Variants in ADAD2 observed in about 807,000 individuals in gnomAD.
ADAD2 encodes the protein adenosine deaminase domain containing 2, also known as adenosine deaminase domain-containing protein 2.
A neutral mutation model predicts 54.5 loss-of-function variants in ADAD2; 60 were observed. That is an observed-to-expected ratio of 1.10 (90% CI 0.89 to 1.36). The LOEUF (loss-of-function observed/expected upper bound fraction) is 1.36. ADAD2 is among the 40% of genes most tolerant of loss of function. ADAD2 has a pLI of 0.00. For missense variants in ADAD2, 1,103 were observed against 801.3 expected (o/e 1.38, Z -4.54); for synonymous variants, 543 against 366.2 (o/e 1.48, Z -5.51).
At chr16:84,193,464 T>C (rs1475950252) in intron 1 of ADAD2, 2 of 153,146 alleles carry the variant, frequency 1.3e-5, no homozygotes, top group African/African-American at 4.8e-5. Context: ...TGATGTGTTA[T>C]TGAAGTGATG....
chr16:84,196,427 T>C (rs1334034082), intron 8 of ADAD2, 57 bp downstream of exon 8: 3 of 1,570,324 alleles, frequency 1.9e-6, no homozygotes, highest in East Asian at 2.2e-5. Context: ...GGAGGGCTCA[T>C]GCATGAGCTT....
intron 1 of ADAD2, chr16:84,193,531 C>A (rs570492725): frequency 6.4e-6 from 1 of 155,548 alleles, no homozygotes; most frequent in African/African-American, 2.4e-5. Context: ...TGTCCCCTGG[C>A]GATGCGAGCT....
Position 84,191,722 on chromosome 16 carries a change from AGGGGGTCT to A in ADAD2, c.418+79_418+86del, listed in dbSNP as rs138132588. On this transcript the variant is annotated intron_variant, in intron 1 of 9. Transcript: ENST00000315906. Reference sequence around the variant, plus strand: ...GGCTGGGTCCCAGGACGTGGGGAGCAGGGGGTCTGGGGAAGGTGGACCTTGGTCCCTAT... The same window carrying A: ...GGCTGGGTCCCAGGACGTGGGGAGCAGGGGAAGGTGGACCTTGGTCCCTAT... 2,419 of 1,531,418 alleles carry A rather than the reference AGGGGGTCT, an allele frequency of 1.6e-3. 32 individuals carry two copies. In the African/African-American group the frequency reaches 0.03, roughly 19 times the overall value. The allele number at this position is 1,531,418 out of a possible 1,614,324, so 94.9% of individuals were successfully genotyped here.
intron 1 of ADAD2, chr16:84,193,971 T>C (rs200616300): frequency 2.6e-6 from 4 of 1,527,846 alleles, no homozygotes; most frequent in Non-Finnish European, 3.5e-6. Flanking sequence ...CTCTTTTGTG[T>C]TATAAGTAAC....
At chr16:84,191,728 T>A (rs1304104983) in intron 1 of ADAD2, 80 bp downstream of exon 1, 3 of 1,524,598 alleles carry the variant, frequency 2.0e-6, no homozygotes, top group Admixed American at 3.9e-5. Flanking sequence ...GAGCAGGGGG[T>A]CTGGGGAAGG....
In ADAD2 at chr16:84,191,502, T is replaced by C. The variant is rs1323731807; in HGVS notation, c.272T>C (p.Met91Thr). The part of the protein sequence containing the change: ...ARAWENLGEQ[M>T]GKAPRVPVPP... ...GCGTGGGAAAACTTGGGGGAACAGA[T>C]GGGGAAGGCCCCGAGGGTCCCTGTG... Residue 91 changes from methionine to threonine, a missense_variant, in exon 1 of 10, where the codon ATG (methionine) becomes ACG (threonine). Physicochemically the swap from Met to Thr is moderately conservative, Grantham distance 81. Transcript: ENST00000315906. 1 of 1,542,508 alleles carries C rather than the reference T, an allele frequency of 6.5e-7. No individual in the cohort carries two copies. Among genetic ancestry groups the C allele is most frequent in the African/African-American group, 1.4e-5 (1 of 72,996 alleles).
chr16:84,192,459 A>T (rs1008210948), intron 1 of ADAD2: 2 of 152,288 alleles, frequency 1.3e-5, no homozygotes, highest in African/African-American at 4.8e-5. Flanking sequence ...CAGAGTTTTA[A>T]TTTAAAAGTT....
In ADAD2 at chr16:84,194,472, A is replaced by G. The variant is rs1376383392; in HGVS notation, c.449A>G (p.Glu150Gly). 1 of 1,605,882 alleles carries G rather than the reference A, an allele frequency of 6.2e-7. No individual in the cohort carries two copies. Among genetic ancestry groups the G allele is most frequent in the South Asian group, 1.1e-5 (1 of 90,342 alleles). The change falls in exon 2 of 10, where the codon GAA becomes GGA. Residue 150 changes from glutamate to glycine, a missense_variant. Physicochemically the swap from Glu to Gly is moderately conservative, Grantham distance 98. Coordinates refer to ENST00000315906, the MANE Select transcript of ADAD2 (RefSeq NM_001145400.2). The stretch of plus-strand genomic sequence containing the variant: ...TGCTTCCCCTTCTCGGTGAGCGCGG[A>G]ACTGGATGGGGTGGTCTGCCCTGCG... ...GPCFPFSVSAELDGVVCPAGT... is the reference protein window; with the variant it reads ...GPCFPFSVSAGLDGVVCPAGT...
At position 84,191,181 on chromosome 16, in the gene ADAD2, C is replaced by T. The variant is rs750684491; in HGVS notation, c.-50C>T. The T allele has an allele frequency of 1.9e-6, 3 of 1,573,520 alleles. No homozygotes were observed. Among genetic ancestry groups the T allele is most frequent in the Middle Eastern group, 1.9e-4 (1 of 5,254 alleles). On this transcript the variant is annotated 5_prime_UTR_variant, in exon 1 of 10. Transcript: ENST00000315906. ...CACCCGCCCTGCGCGTGTGAAAGGG[C>T]GAGAGCAGCGCGAGATAGGGCCTAG... is the stretch of plus-strand genomic sequence containing the variant.
chr16:84,191,296 G>A lies in ADAD2; in HGVS notation c.66G>A (p.Ser22=), dbSNP rs1567610358. ...GSRRKPRLAA[S]LQISPQPRPW... is the part of the protein sequence containing the mutation. The stretch of plus-strand genomic sequence containing the variant: ...GTAGGAAGCCCCGCCTGGCTGCATC[G>A]TTGCAGATCAGCCCCCAGCCCCGCC... The change falls in exon 1 of 10, where the codon TCG becomes TCA. Residue 22 remains serine, a synonymous_variant. Coordinates refer to ENST00000315906, the MANE Select transcript of ADAD2 (RefSeq NM_001145400.2). 5.0e-6 allele frequency: 8 copies of A among 1,601,106 alleles called. No homozygotes were observed. Among genetic ancestry groups the A allele is most frequent in the African/African-American group, 2.7e-5 (2 of 74,624 alleles).
intron 1 of ADAD2, chr16:84,191,865 G>A (rs2089660676): frequency 1.4e-6 from 1 of 706,938 alleles, no homozygotes; most frequent in Non-Finnish European, 2.5e-6. Flanking sequence ...ATGCTCAACT[G>A]TGAAAGAGTC....
Position 84,197,013 on chromosome 16 carries a change from G to C in ADAD2, c.*39G>C. 6.5e-7 allele frequency: 1 copy of C among 1,549,664 alleles called. No homozygotes were observed. Among genetic ancestry groups the C allele is most frequent in the Non-Finnish European group, 8.7e-7 (1 of 1,144,624 alleles). ...GGGACCGAGGTCCCGGAGCCAAGCTGTACCCCTGCTGGGGGAGTGCCCTAT... is the reference window on the plus strand; with the variant it reads ...GGGACCGAGGTCCCGGAGCCAAGCTCTACCCCTGCTGGGGGAGTGCCCTAT... On this transcript the variant is annotated 3_prime_UTR_variant, in exon 10 of 10. Transcript: ENST00000315906.
intron 1 of ADAD2, chr16:84,194,091 C>A (rs1206172373): frequency 1.9e-6 from 3 of 1,614,076 alleles, no homozygotes; most frequent in Non-Finnish European, 2.5e-6. Context: ...GAGCCTTCCT[C>A]CTGAGAACAG....
chr16:84,193,232 T>G (rs1046498733), intron 1 of ADAD2: 8 of 152,252 alleles, frequency 5.3e-5, no homozygotes, highest in African/African-American at 1.9e-4. Context: ...TAATTTCTAT[T>G]CACATTCAAA....
Position 84,195,203 on chromosome 16 carries a change from C to T in ADAD2, c.733+9C>T, listed in dbSNP as rs1034353005. The T allele has an allele frequency of 1.7e-5, 27 of 1,611,058 alleles. No homozygotes were observed. Among genetic ancestry groups the T allele is most frequent in the East Asian group, 2.2e-5 (1 of 44,812 alleles). On this transcript the variant is annotated intron_variant, in intron 4 of 9. Coordinates refer to ENST00000315906, the MANE Select transcript of ADAD2 (RefSeq NM_001145400.2). ...AGTCATCCTGGAGAGGGGTAGGGAT[C>T]GCCCCAGCCCTGGCCCTGGCCCCGG...
In ADAD2 at chr16:84,195,054, C is replaced by G. The variant is rs377393194; in HGVS notation, c.608-15C>G. 1.3e-4 allele frequency: 213 copies of G among 1,612,884 alleles called. 1 individual carries two copies. In the South Asian group the frequency reaches 1.4e-3, roughly 10 times the overall value. On this transcript the variant is annotated splice_polypyrimidine_tract_variant and intron_variant, in intron 3 of 9. Coordinates refer to ENST00000315906, the MANE Select transcript of ADAD2 (RefSeq NM_001145400.2). ...GTGGGCCCCCTTCTACCTGCAGTCT[C>G]TCGCCCTGGCGCAGAGAACATCCTG...
At position 84,196,718 on chromosome 16, in the gene ADAD2, C is replaced by A. The variant is rs1208409972; in HGVS notation, c.1598C>A (p.Ala533Asp). 6.2e-7 allele frequency: 1 copy of A among 1,613,190 alleles called. No homozygotes were observed. The highest frequency in any genetic ancestry group is 8.5e-7 in the Non-Finnish European group (1 of 1,179,974). Residue 533 changes from alanine to aspartate, a missense_variant, in exon 9 of 10, where the codon GCT becomes GAT. Transcript: ENST00000315906. Reference protein sequence around the residue: ...FLRAFHQAARAVGKPYLLALK... With the variant: ...FLRAFHQAARDVGKPYLLALK... ...CGGGCCTTTCACCAGGCGGCCAGGG[C>A]TGTGGGGAAGCCCTACCTCCTGGCC... is the stretch of plus-strand genomic sequence containing the variant.
At position 84,195,681 on chromosome 16, in the gene ADAD2, G is replaced by T. The variant is rs547168217; in HGVS notation, c.1036G>T (p.Ala346Ser). The T allele has an allele frequency of 6.4e-7, 1 of 1,562,812 alleles. No individual in the cohort carries two copies. Among genetic ancestry groups the T allele is most frequent in the African/African-American group, 1.4e-5 (1 of 72,738 alleles). The change falls in exon 6 of 10, where the codon GCG (alanine) becomes TCG (serine). Residue 346 changes from alanine to serine, a missense_variant. By Grantham distance (99) the Ala-to-Ser change is moderately conservative. Coordinates refer to ENST00000315906, the MANE Select transcript of ADAD2 (RefSeq NM_001145400.2). ...CTACATCAGCAACACCCCCAAGGGC[G>T]CGGCCCGTGACATCTAGTATGCAGG... The part of the protein sequence containing the change: ...HLYISNTPKG[A>S]ARDIYLPPTS...
In ADAD2 at chr16:84,195,098, G is replaced by T; in HGVS notation, c.637G>T (p.Ala213Ser). 6.2e-7 allele frequency: 1 copy of T among 1,613,724 alleles called. No individual in the cohort carries two copies. The highest frequency in any genetic ancestry group is 8.5e-7 in the Non-Finnish European group (1 of 1,179,988). The part of the protein sequence containing the change: ...ENILTHEQRC[A>S]ALVSAGFDLL... Reference sequence around the variant, plus strand: ...CATCCTGACCCATGAGCAGCGCTGCGCAGCGTTGGTGAGCGCCGGCTTTGA... The same window carrying T: ...CATCCTGACCCATGAGCAGCGCTGCTCAGCGTTGGTGAGCGCCGGCTTTGA... The change falls in exon 4 of 10, where the codon GCA becomes TCA. Residue 213 changes from alanine (A) to serine (S), a missense_variant. Coordinates refer to ENST00000315906, the MANE Select transcript of ADAD2 (RefSeq NM_001145400.2).
Sources: allele counts gnomAD v4.1 joint callset, GRCh38; gene constraint gnomAD v4.1.1; transcripts MANE v1.5; gene names NCBI Gene and HGNC (gene_info 2026-07-23, HGNC 2026-07-21).